FARP1: variants seen among roughly 807,000 people sequenced by gnomAD.
FARP1 encodes the protein FERM, ARHGEF and pleckstrin domain-containing protein 1.
Under a neutral mutation model 128.8 loss-of-function variants are expected in FARP1, and 52 were observed. The ratio of observed to expected loss-of-function variants is 0.40; its 90% confidence interval spans 0.32 to 0.51. FARP1 has a LOEUF of 0.51. Ranked by LOEUF, FARP1 falls within the 20% of genes least tolerant of loss-of-function variation. The pLI is 0.45. For missense variants in FARP1, 1,333 were observed against 1,367.9 expected, an observed-to-expected ratio of 0.97 and a Z score of 0.40; for synonymous variants, 580 against 551.8, an observed-to-expected ratio of 1.05 and a Z score of -0.72.
In FARP1 at chr13:98,393,691, A is replaced by G. The variant is rs1457009613; in HGVS notation, c.1137A>G (p.Thr379=). ...HSIRSLASQP[T]ELNSEVLEQS... ...TCCGGAGCCTTGCTTCACAGCCTAC[A>G]GAACTGAATTCGGAAGTGCTGGAGC... Residue 379 remains threonine (T), a synonymous_variant, in exon 12 of 27, where the codon ACA becomes ACG. Coordinates refer to ENST00000319562, the MANE Select transcript of FARP1 (RefSeq NM_005766.4). 2 of 1,614,122 alleles carry G rather than the reference A, an allele frequency of 1.2e-6. No individual in the cohort carries two copies. The highest frequency in any genetic ancestry group is 2.2e-5 in the South Asian group (2 of 91,064).
rs1233395880 is a variant in FARP1, at chr13:98,143,133, CGCGGGCGCAGCGGT to C, written c.-374_-361del. 1 of 147,450 alleles carries C rather than the reference CGCGGGCGCAGCGGT, an allele frequency of 6.8e-6. No individual in the cohort carries two copies. Among genetic ancestry groups the C allele is most frequent in the Non-Finnish European group, 1.5e-5 (1 of 66,210 alleles). 9.1% of individuals were successfully genotyped at this position (147,450 alleles called of 1,614,324 possible). On this transcript the variant is annotated 5_prime_UTR_variant, in exon 1 of 27. Transcript: ENST00000319562. ...CCGGCCTCAGAGGCGGCGGGTCCGG[CGCGGGCGCAGCGGT>C]GCGGGCGCTCGGCTGGGGCGCGGGG...
intron 2 of FARP1, among the ~76,000 whole-genome samples, chr13:98,343,104 G>A (rs1041376751): frequency 1.3e-5 from 2 of 152,162 alleles, no homozygotes; most frequent in Admixed American, 6.5e-5. Context: ...GCTACGTACT[G>A]TATGAGTCCT....
At chr13:98,371,902 T>C (rs1354435296) in intron 5 of FARP1, among the ~76,000 whole-genome samples, 1 of 152,174 alleles carries the variant, frequency 6.6e-6, no homozygotes, top group South Asian at 2.1e-4. Context: ...AGATAGGAGA[T>C]TAAATTGCAC....
intron 5 of FARP1, among the ~76,000 whole-genome samples, chr13:98,375,651 G>A (rs528454886): frequency 1.3e-5 from 2 of 152,078 alleles, no homozygotes; most frequent in East Asian, 1.9e-4. Flanking sequence ...GTTTTGAGAC[G>A]GAGTTTCGCT....
chr13:98,177,195 T>G (rs1286334987), intron 1 of FARP1: 10 of 1,579,982 alleles, frequency 6.3e-6, no homozygotes, highest in Non-Finnish European at 8.6e-6. Flanking sequence ...ATACCTGGTC[T>G]GCTTGGTCGG....
At chr13:98,203,761 A>G (rs1490135685) in intron 1 of FARP1, 1 of 152,192 alleles carries the variant, frequency 6.6e-6, no homozygotes, top group African/African-American at 2.4e-5. Flanking sequence ...GAAGATACCT[A>G]GGAGTGGAAT....
intron 2 of FARP1, among the ~76,000 whole-genome samples, chr13:98,275,401 A>G (rs982250702): frequency 2.6e-5 from 4 of 151,068 alleles, no homozygotes; most frequent in Non-Finnish European, 5.9e-5. Flanking sequence ...ATTCATATAT[A>G]TATATGTAGG....
At chr13:98,354,451 AG>A (rs1770185954) in intron 3 of FARP1, among the ~76,000 whole-genome samples, 2 of 152,246 alleles carry the variant, frequency 1.3e-5, no homozygotes, top group Admixed American at 6.5e-5. Flanking sequence ...TAGTTTTGAC[AG>A]ATCACCAATA....
At chr13:98,244,657 G>C (rs1193513692) in intron 2 of FARP1, 3 of 1,614,250 alleles carry the variant, frequency 1.9e-6, no homozygotes, top group Non-Finnish European at 1.7e-6. Flanking sequence ...AACTGGGCTG[G>C]AAGTAGAAGC....
At chr13:98,358,420 A>T (rs1199514315) in intron 3 of FARP1, among the ~76,000 whole-genome samples, 1 of 151,710 alleles carries the variant, frequency 6.6e-6, no homozygotes, top group Non-Finnish European at 1.5e-5. Flanking sequence ...TATTTTCTCC[A>T]TTTTTGGAGT....
intron 2 of FARP1, among the ~76,000 whole-genome samples, chr13:98,279,568 T>A (rs577081724): frequency 2.4e-4 from 37 of 152,320 alleles, no homozygotes; most frequent in South Asian, 1.0e-3. Context: ...TAATTGTATT[T>A]AATTTTAATT....
intron 2 of FARP1, 112 bp downstream of exon 2, chr13:98,213,525 A>C (rs1880864029): frequency 9.0e-7 from 1 of 1,114,060 alleles, no homozygotes; most frequent in East Asian, 2.5e-5. Context: ...GAGGTCCTGC[A>C]TGTTCAGCAC....
intron 2 of FARP1, among the ~76,000 whole-genome samples, chr13:98,285,298 G>A (rs558811589): frequency 6.6e-6 from 1 of 152,134 alleles, no homozygotes; most frequent in African/African-American, 2.4e-5. Flanking sequence ...CTTATAAGAA[G>A]TTTAAAAAAT....
intron 17 of FARP1, among the ~76,000 whole-genome samples, chr13:98,424,892 G>T (rs1891723288): frequency 6.8e-6 from 1 of 146,472 alleles, no homozygotes; most frequent in African/African-American, 2.5e-5. Flanking sequence ...GTGATTTTGG[G>T]GTTTTTTTTT....
chr13:98,213,528 T>C, intron 2 of FARP1, 115 bp downstream of exon 2: 5 of 1,058,782 alleles, frequency 4.7e-6, no homozygotes, highest in Non-Finnish European at 6.9e-6. Context: ...GTCCTGCATG[T>C]TCAGCACCTC....
chr13:98,234,171 G>C (rs1281147228), intron 2 of FARP1: 2 of 152,226 alleles, frequency 1.3e-5, no homozygotes, highest in Non-Finnish European at 2.9e-5. Flanking sequence ...TGGCTTGCTG[G>C]CATCCTCAGA....
At chr13:98,266,878 G>C (rs985218220) in intron 2 of FARP1, among the ~76,000 whole-genome samples, 2 of 152,002 alleles carry the variant, frequency 1.3e-5, no homozygotes, top group African/African-American at 4.8e-5. Context: ...GCCGGGTGCG[G>C]TGGTGCACGT....
At position 98,370,463 on chromosome 13, in the gene FARP1, G is replaced by A. The variant is rs186135754; in HGVS notation, c.398+2268G>A. Among the ~76,000 whole-genome samples, 657 of 152,080 alleles carry A rather than the reference G, an allele frequency of 4.3e-3. 4 individuals are homozygous for A. The highest frequency in any genetic ancestry group is 0.01 in the Middle Eastern group (3 of 290). On this transcript the variant is annotated intron_variant, in intron 5 of 26. Transcript: ENST00000319562. ...TAGGTAGCAGTAGAAATGGAGGCAA[G>A]TAGTTGTGTTTGGAACAGGTACCGG...
intron 26 of FARP1, 80 bp downstream of exon 26, chr13:98,446,897 CGAGT>C (rs1487836127): frequency 2.0e-6 from 3 of 1,473,658 alleles, no homozygotes; most frequent in Non-Finnish European, 1.9e-6. Context: ...CCCAAGTCAG[CGAGT>C]GAGATGGCCC....
Sources: gnomAD v4.1 joint callset for allele counts (sites outside exome capture counted in the v4.1 genomes callset) on GRCh38, gnomAD v4.1.1 for gene constraint, MANE v1.5 for transcripts, NCBI Gene and HGNC (gene_info 2026-07-23, HGNC 2026-07-21) for gene names.